The following SOX6 variants were observed in gnomAD, a reference collection of about 807,000 sequenced individuals.
SOX6 encodes transcription factor SOX-6.
SOX6 carries 11 observed loss-of-function variants against 97.8 expected under a neutral mutation model. The observed-to-expected ratio is 0.11, with a 90% CI of 0.07 to 0.19. The LOEUF (loss-of-function observed/expected upper bound fraction) is 0.19, where lower values mean the gene tolerates loss of function less well. Ranked by LOEUF, SOX6 falls within the 10% of genes least tolerant of loss-of-function variation. The pLI is 1.00. For synonymous variants in SOX6, 360 were observed against 371.4 expected (o/e 0.97, Z 0.35); for missense variants, 810 against 1,039.5 (o/e 0.78, Z 3.04).
intron 6 of SOX6, among the ~76,000 whole-genome samples, chr11:16,113,488 G>A (rs1253237827): frequency 6.6e-6 from 1 of 152,162 alleles, no homozygotes; most frequent in Admixed American, 6.5e-5. Context: ...TAACCCTGAA[G>A]AAAAGCACCG....
At chr11:16,010,679 G>A (rs1486031259) in intron 13 of SOX6, among the ~76,000 whole-genome samples, 3 of 151,986 alleles carry the variant, frequency 2.0e-5, no homozygotes, top group Non-Finnish European at 4.4e-5. Flanking sequence ...GGAAAGGAGA[G>A]CAGAGAGAAA....
chr11:16,131,665 C>A (rs922990625), intron 6 of SOX6, among the ~76,000 whole-genome samples: 4 of 151,970 alleles, frequency 2.6e-5, no homozygotes, highest in African/African-American at 4.8e-5. Flanking sequence ...TAGCTGAAAT[C>A]AACTCAATGA....
intron 4 of SOX6, among the ~76,000 whole-genome samples, chr11:16,582,598 C>A (rs1848041547): frequency 6.6e-6 from 1 of 151,542 alleles, no homozygotes; most frequent in Non-Finnish European, 1.5e-5. Context: ...AGAATTAGGA[C>A]CCCAAAAGAT....
chr11:16,265,543 T>C (rs1407073657), intron 3 of SOX6, among the ~76,000 whole-genome samples: 1 of 151,898 alleles, frequency 6.6e-6, no homozygotes, highest in African/African-American at 2.4e-5. Context: ...TGGCTAGTAT[T>C]CAACTTTTTA....
chr11:16,219,614 A>C (rs1271551884), intron 4 of SOX6, among the ~76,000 whole-genome samples: 1 of 152,064 alleles, frequency 6.6e-6, no homozygotes, highest in Non-Finnish European at 1.5e-5. Context: ...AAATGTAGAG[A>C]ATAATGTACA....
rs1167290957 is a variant in SOX6 at position 15,969,071 on chromosome 11, C to CTT, written c.*3737_*3738insAA. 1.6e-4 allele frequency: 22 copies of CTT among 137,854 alleles called. No individual in the cohort carries two copies. Among genetic ancestry groups the CTT allele is most frequent in the Middle Eastern group, 3.8e-3 (1 of 266 alleles). The allele number at this position is 137,854 out of a possible 1,614,324, so 8.5% of individuals were successfully genotyped here. A position where few individuals can be genotyped will look rare whatever the true frequency, so the allele number is the denominator to read the frequency against. On this transcript the variant is annotated 3_prime_UTR_variant, in exon 16 of 16. Transcript: ENST00000683767. ...CTCCTTTTCCTTCCATTCCATATGG[C>CTT]TATTTTTTTTTTTTTTTTTTTTTGG...
intron 3 of SOX6, among the ~76,000 whole-genome samples, chr11:16,256,732 TA>T (rs1311529952): frequency 6.6e-6 from 1 of 151,634 alleles, no homozygotes; most frequent in African/African-American, 2.4e-5. Flanking sequence ...ATAAATAAAA[TA>T]AAATAAAGGG....
intron 3 of SOX6, among the ~76,000 whole-genome samples, chr11:16,695,038 C>G (rs1848043167): frequency 1.3e-5 from 2 of 152,130 alleles, no homozygotes; most frequent in South Asian, 4.1e-4. Flanking sequence ...GAGGCTTGAG[C>G]ATATGTGGGT....
intron 3 of SOX6, among the ~76,000 whole-genome samples, chr11:16,694,379 C>T (rs754474996): frequency 3.9e-5 from 6 of 152,000 alleles, no homozygotes; most frequent in Admixed American, 2.6e-4. Flanking sequence ...TCAAATTAGC[C>T]GGGTATGGTG....
intron 6 of SOX6, among the ~76,000 whole-genome samples, chr11:16,145,086 A>G (rs1184199381): frequency 5.9e-5 from 9 of 152,236 alleles, no homozygotes; most frequent in African/African-American, 1.9e-4. Flanking sequence ...ATGAACATCA[A>G]TGCAAAAATC....
chr11:16,711,102 A>G lies in SOX6; in HGVS notation n.429+3728T>C, dbSNP rs146318011. Among the ~76,000 whole-genome samples the G allele has an allele frequency of 1.7e-3, 255 of 152,278 alleles. 7 individuals are homozygous for G. The East Asian group carries it at 0.039, about 23-fold the overall frequency. Reference sequence around the variant, plus strand: ...AGCTCCACCTCTACCACCTTAACCCAGGTCCCCATTATTTCTCACCTGAAC... The same window carrying G: ...AGCTCCACCTCTACCACCTTAACCCGGGTCCCCATTATTTCTCACCTGAAC... On this transcript the variant is annotated intron_variant and non_coding_transcript_variant, in intron 3 of 5. Coordinates refer to the SOX6 transcript ENST00000524520.
intron 6 of SOX6, among the ~76,000 whole-genome samples, chr11:16,113,487 A>C (rs1849277334): frequency 2.0e-5 from 3 of 152,186 alleles, no homozygotes; most frequent in African/African-American, 7.2e-5. Context: ...TTAACCCTGA[A>C]GAAAAGCACC....
intron 6 of SOX6, among the ~76,000 whole-genome samples, chr11:16,118,572 C>T (rs1422717343): frequency 6.6e-6 from 1 of 152,166 alleles, no homozygotes; most frequent in Non-Finnish European, 1.5e-5. Flanking sequence ...GGCCTGATAT[C>T]TTGTGAGGAA....
chr11:16,050,201 A>G (rs910976987), intron 10 of SOX6, among the ~76,000 whole-genome samples: 2 of 152,144 alleles, frequency 1.3e-5, no homozygotes, highest in Non-Finnish European at 2.9e-5. Flanking sequence ...CTCACATTAC[A>G]GCTTAATTTC....
At chr11:16,577,359 C>T (rs1313509658) in intron 4 of SOX6, among the ~76,000 whole-genome samples, 1 of 152,132 alleles carries the variant, frequency 6.6e-6, no homozygotes, top group Admixed American at 6.6e-5. Context: ...TATCTTTCTT[C>T]ATTTTCCTTC....
intron 6 of SOX6, among the ~76,000 whole-genome samples, chr11:16,170,977 C>G (rs189840074): frequency 8.6e-5 from 13 of 152,024 alleles, no homozygotes; most frequent in Admixed American, 1.3e-4. Context: ...TACCCTTATC[C>G]AAAGTAGAGT....
intron 1 of SOX6, among the ~76,000 whole-genome samples, chr11:16,440,444 A>C (rs1025588380): frequency 6.6e-6 from 1 of 152,192 alleles, no homozygotes. Context: ...CGCAGAGCAT[A>C]TGTTTATGGC....
intron 1 of SOX6, among the ~76,000 whole-genome samples, chr11:16,442,437 A>C (rs1859521457): frequency 6.6e-6 from 1 of 152,206 alleles, no homozygotes; most frequent in African/African-American, 2.4e-5. Flanking sequence ...CACAGAAATG[A>C]AGAAACCAAA....
intron 9 of SOX6, among the ~76,000 whole-genome samples, chr11:16,089,063 A>T (rs1014436944): frequency 6.6e-6 from 1 of 152,136 alleles, no homozygotes; most frequent in African/African-American, 2.4e-5. Flanking sequence ...AGCTGGTGCT[A>T]TAAGAGAAAC....
Sources: gnomAD v4.1 joint callset for allele counts (sites outside exome capture counted in the v4.1 genomes callset) on GRCh38, gnomAD v4.1.1 for gene constraint, MANE v1.5 for transcripts, NCBI Gene and HGNC (gene_info 2026-07-23, HGNC 2026-07-21) for gene names.